The following ASAP1 variants were observed in gnomAD, a reference collection of about 807,000 sequenced individuals.
ASAP1 encodes ArfGAP with SH3 domain, ankyrin repeat and PH domain 1.
Under a neutral mutation model 145.2 loss-of-function variants are expected in ASAP1, and 43 were observed. That is an observed-to-expected ratio of 0.30 (90% CI 0.23 to 0.38). The LOEUF (loss-of-function observed/expected upper bound fraction) is 0.38, where lower values mean the gene tolerates loss of function less well. ASAP1 is among the 10% of genes least tolerant of loss of function. The pLI is 1.00. For synonymous variants in ASAP1, 546 were observed against 515.5 expected, an observed-to-expected ratio of 1.06 and a Z score of -0.80; for missense variants, 1,018 against 1,355.3, an observed-to-expected ratio of 0.75 and a Z score of 3.91.
intron 2 of ASAP1, among the ~76,000 whole-genome samples, chr8:130,364,551 G>C (rs1826862365): frequency 6.6e-6 from 1 of 152,174 alleles, no homozygotes; most frequent in Non-Finnish European, 1.5e-5. Context: ...CAAAGACAAT[G>C]GATGAGTCCA....
At chr8:130,372,495 C>A (rs747669641) in intron 2 of ASAP1, among the ~76,000 whole-genome samples, 10 of 152,208 alleles carry the variant, frequency 6.6e-5, no homozygotes, top group Admixed American at 2.0e-4. Flanking sequence ...GTGATACCTA[C>A]CAGTGTATTA....
intron 3 of ASAP1, among the ~76,000 whole-genome samples, chr8:130,318,784 C>T (rs971036974): frequency 5.3e-5 from 8 of 152,198 alleles, no homozygotes; most frequent in South Asian, 2.1e-4. Flanking sequence ...CTTAAAAAAG[C>T]GTTTCCCCTC....
chr8:130,219,361 T>G (rs1450210122), intron 4 of ASAP1, among the ~76,000 whole-genome samples: 1 of 149,668 alleles, frequency 6.7e-6, no homozygotes, highest in African/African-American at 2.4e-5. Flanking sequence ...ATGATTCTGG[T>G]GGAGGAAATA....
chr8:130,402,886 C>T (rs1281577872), intron 1 of ASAP1, among the ~76,000 whole-genome samples: 1 of 151,410 alleles, frequency 6.6e-6, no homozygotes, highest in Non-Finnish European at 1.5e-5. Context: ...GAAATCTAGT[C>T]TTCCATGCTG....
rs76822650 is a variant in ASAP1, at chr8:130,357,604, C to T, written c.186+413G>A. ...GGGCCGCTGAGGGGTGCGTTCACTG[C>T]CCATCTCCTAGTCCCTTGCTGGTGA... On this transcript the variant is annotated intron_variant, in intron 3 of 29. Coordinates refer to ENST00000518721, the MANE Select transcript of ASAP1 (RefSeq NM_018482.4). Among the ~76,000 whole-genome samples, 1,003 of 152,348 alleles carry T rather than the reference C, an allele frequency of 6.6e-3. 12 individuals carry two copies. The highest frequency in any genetic ancestry group is 0.023 in the African/African-American group (957 of 41,580).
At chr8:130,249,828 A>T (rs1819083483) in intron 3 of ASAP1, among the ~76,000 whole-genome samples, 1 of 152,128 alleles carries the variant, frequency 6.6e-6, no homozygotes, top group Admixed American at 6.6e-5. Context: ...AGAAACTGGA[A>T]CCTACCATCT....
chr8:130,276,728 A>ACACACACACACT (rs548512902), intron 3 of ASAP1, among the ~76,000 whole-genome samples: 11 of 87,314 alleles, frequency 1.3e-4, no homozygotes, highest in East Asian at 9.9e-4. Flanking sequence ...ACACACACAC[A>ACACACACACACT]CTCTCTCTCT....
Position 130,218,988 on chromosome 8 carries a change from A to G in ASAP1, c.260-4287T>C, listed in dbSNP as rs149654307. Among the ~76,000 whole-genome samples, 465 of 152,210 alleles carry G rather than the reference A, an allele frequency of 3.1e-3. 11 individuals are homozygous for G. The East Asian group carries it at 0.05, about 16-fold the overall frequency. On this transcript the variant is annotated intron_variant, in intron 4 of 29. Coordinates refer to ENST00000518721, the MANE Select transcript of ASAP1 (RefSeq NM_018482.4). ...TAAAAATATAACAGTTTAGTAAGAT[A>G]TATCTTGGGGTAATAATAACAATAA...
intron 3 of ASAP1, among the ~76,000 whole-genome samples, chr8:130,300,357 T>C (rs550941959): frequency 3.9e-4 from 59 of 152,314 alleles, no homozygotes; most frequent in African/African-American, 1.4e-3. Context: ...TGTTTCTTCT[T>C]TTAATAAGAG....
In ASAP1 at chr8:130,300,167, G is replaced by A. The variant is rs939573283; in HGVS notation, c.186+57850C>T. Among the ~76,000 whole-genome samples, 26 of 138,384 alleles carry A rather than the reference G, an allele frequency of 1.9e-4. No homozygotes were observed. In the South Asian group the frequency reaches 5.6e-3, roughly 30 times the overall value. 90.8% of individuals were successfully genotyped at this position (138,384 alleles called of 152,430 possible). ...ACACACACACACAGAGAGAGAGAGA[G>A]AGAGAGAGAGAGAGAGAGAGCGAGC... On this transcript the variant is annotated intron_variant, in intron 3 of 29. Coordinates refer to ENST00000518721, the MANE Select transcript of ASAP1 (RefSeq NM_018482.4).
At chr8:130,261,689 G>T (rs1316723063) in intron 3 of ASAP1, among the ~76,000 whole-genome samples, 1 of 152,120 alleles carries the variant, frequency 6.6e-6, no homozygotes, top group African/African-American at 2.4e-5. Flanking sequence ...TCAACAGAGA[G>T]TAAGAACTCT....
intron 2 of ASAP1, among the ~76,000 whole-genome samples, chr8:130,359,474 AAGGGCCAC>A (rs1826592747): frequency 6.6e-6 from 1 of 152,106 alleles, no homozygotes; most frequent in Non-Finnish European, 1.5e-5. Flanking sequence ...GGCCTTTGGG[AAGGGCCAC>A]AGGATTGGTA....
chr8:130,124,297 G>C (rs1242728647), intron 17 of ASAP1, among the ~76,000 whole-genome samples, 193 bp from the exon 18 acceptor site: 1 of 152,194 alleles, frequency 6.6e-6, no homozygotes, highest in Non-Finnish European at 1.5e-5. Context: ...CTAAGTGCTG[G>C]AAATACAGAG....
intron 7 of ASAP1, among the ~76,000 whole-genome samples, chr8:130,184,358 A>G (rs1311702177): frequency 6.6e-6 from 1 of 152,238 alleles, no homozygotes; most frequent in Non-Finnish European, 1.5e-5. Context: ...AATACTGAGG[A>G]ACGTGTAGAT....
chr8:130,063,462 G>T (rs894542872), intron 27 of ASAP1, among the ~76,000 whole-genome samples: 14 of 152,146 alleles, frequency 9.2e-5, no homozygotes, highest in African/African-American at 2.9e-4. Context: ...GTGACTGTTG[G>T]CACCAGTCTG....
intron 3 of ASAP1, among the ~76,000 whole-genome samples, chr8:130,250,246 T>A (rs1435425434): frequency 6.6e-6 from 1 of 152,066 alleles, no homozygotes; most frequent in Non-Finnish European, 1.5e-5. Context: ...TAAGAAGACA[T>A]GCATTAATAA....
At position 130,358,272 on chromosome 8, in the gene ASAP1, G is replaced by A. The variant is rs1403500733; in HGVS notation, c.60-129C>T. ...CGCCACCCGCCGCCCGGCCTGGCGC[G>A]CGGCTCCCGTCCCCGGCAGCGGCGA... On this transcript the variant is annotated intron_variant, in intron 2 of 29. Coordinates refer to ENST00000518721, the MANE Select transcript of ASAP1 (RefSeq NM_018482.4). The surrounding 1 kb of genome is among the most constrained non-coding windows in gnomAD (Gnocchi z 4.1). 1 of 628,156 alleles carries A rather than the reference G, an allele frequency of 1.6e-6. No individual in the cohort carries two copies. The highest frequency in any genetic ancestry group is 2.1e-6 in the Non-Finnish European group (1 of 484,002). The allele number at this position is 628,156 out of a possible 1,614,324, so 38.9% of individuals were successfully genotyped here. A position where few individuals can be genotyped will look rare whatever the true frequency, so the allele number is the denominator to read the frequency against.
At chr8:130,067,070 T>C (rs779920195) in intron 27 of ASAP1, among the ~76,000 whole-genome samples, 3 of 152,210 alleles carry the variant, frequency 2.0e-5, no homozygotes, top group Non-Finnish European at 2.9e-5. Context: ...TTCCTCTGAA[T>C]TCTGCTGCTC....
chr8:130,387,588 A>T (rs11996310), intron 2 of ASAP1, among the ~76,000 whole-genome samples: 12,106 of 150,426 alleles, frequency 0.08, 618 homozygotes, highest in African/African-American at 0.13. Flanking sequence ...AACTACTTGT[A>T]TACATATATC....
Sources: allele counts gnomAD v4.1 joint callset (sites outside exome capture counted in the v4.1 genomes callset), GRCh38; gene constraint gnomAD v4.1.1; non-coding constraint Gnocchi (gnomAD v3.1); transcripts MANE v1.5; gene names NCBI Gene and HGNC (gene_info 2026-07-23, HGNC 2026-07-21).